STK35: variants seen among roughly 807,000 people sequenced by gnomAD.
STK35 encodes serine/threonine-protein kinase 35.
In STK35, 17 loss-of-function variants were observed where a neutral mutation model predicts 37.3. The ratio of observed to expected loss-of-function variants is 0.46; its 90% CI spans 0.31 to 0.68. The LOEUF is 0.68. STK35 is among the 30% of genes least tolerant of loss of function. The pLI, the probability that STK35 is intolerant of heterozygous loss-of-function variation, is 0.05. For synonymous variants in STK35, 385 were observed against 319.1 expected (o/e 1.21, Z -2.20); for missense variants, 595 against 746.7 (o/e 0.80, Z 2.37).
rs1043255967 is a variant in STK35, at chr20:2,117,442, G to T, written c.*37+27G>T. The T allele has an allele frequency of 2.1e-5, 29 of 1,387,976 alleles. No individual in the cohort carries two copies. In the African/African-American group the frequency reaches 3.3e-4, roughly 16 times the overall value. The allele number at this position is 1,387,976 out of a possible 1,614,324, so 86.0% of individuals were successfully genotyped here. ...TGAGTGCTCTCTGTTGTTGTTTTTTGTTTTTTGTTTTGAGACAGGGTCTCA... is the reference window on the plus strand; with the variant it reads ...TGAGTGCTCTCTGTTGTTGTTTTTTTTTTTTTGTTTTGAGACAGGGTCTCA... On this transcript the variant is annotated intron_variant, in intron 3 of 3. Transcript: ENST00000381482. The surrounding 1 kb of genome is among the most constrained non-coding windows in gnomAD (Gnocchi z 4.4).
intron 3 of STK35, among the ~76,000 whole-genome samples, chr20:2,133,257 T>TCCCC (rs1986029777): frequency 6.6e-6 from 1 of 152,168 alleles, no homozygotes; most frequent in South Asian, 2.1e-4. Context: ...CTTTAGCTAG[T>TCCCC]AATGGCACCT....
intron 3 of STK35, among the ~76,000 whole-genome samples, chr20:2,134,930 A>C (rs1986060960): frequency 1.3e-5 from 2 of 152,166 alleles, no homozygotes. Context: ...ATATGCATTA[A>C]ACTTCCCAGC....
intron 2 of STK35, 106 bp from the exon 3 acceptor site, chr20:2,116,560 G>A (rs949535568): frequency 2.4e-6 from 3 of 1,274,426 alleles, no homozygotes; most frequent in Admixed American, 4.3e-5. Context: ...CCTTGGAGCA[G>A]TTGTTTGTCA....
At chr20:2,139,600 G>GCAC in intron 3 of STK35, among the ~76,000 whole-genome samples, 1 of 152,252 alleles carries the variant, frequency 6.6e-6, no homozygotes, top group South Asian at 2.1e-4. Flanking sequence ...TTCTCTCTGA[G>GCAC]CTTCAGTTTT....
chr20:2,102,389 G>T (rs1985411053), intron 1 of STK35, among the ~76,000 whole-genome samples: 1 of 152,204 alleles, frequency 6.6e-6, no homozygotes, highest in South Asian at 2.1e-4. Flanking sequence ...ACACCCGGGC[G>T]AACACAAGGC....
chr20:2,104,999 G>GA (rs908242571), intron 2 of STK35, among the ~76,000 whole-genome samples: 16 of 150,280 alleles, frequency 1.1e-4, no homozygotes, highest in East Asian at 9.8e-4. Context: ...ACAAAAAATA[G>GA]AAAAAAAAAT....
intron 3 of STK35, among the ~76,000 whole-genome samples, chr20:2,140,117 A>G (rs2122588834): frequency 6.6e-6 from 1 of 152,330 alleles, no homozygotes; most frequent in South Asian, 2.1e-4. Context: ...AACTGGCCAA[A>G]TCCCTCCTCA....
chr20:2,130,549 C>CG (rs1568580142), intron 3 of STK35, among the ~76,000 whole-genome samples: 1 of 152,112 alleles, frequency 6.6e-6, no homozygotes, highest in African/African-American at 2.4e-5. Flanking sequence ...GATCCTGTCA[C>CG]GGGGCAGCTC....
chr20:2,123,032 G>A (rs1357174985), intron 3 of STK35, among the ~76,000 whole-genome samples: 1 of 152,188 alleles, frequency 6.6e-6, no homozygotes, highest in Non-Finnish European at 1.5e-5. Flanking sequence ...CATGCAGGAA[G>A]CCAGCCAAAC....
intron 2 of STK35, among the ~76,000 whole-genome samples, chr20:2,113,257 A>T (rs140095718): frequency 6.6e-6 from 1 of 152,204 alleles, no homozygotes; most frequent in Non-Finnish European, 1.5e-5. Context: ...ACCTCAAAAC[A>T]TCTGCAGAAT....
intron 3 of STK35, among the ~76,000 whole-genome samples, chr20:2,143,230 G>A (rs1986200042): frequency 6.6e-6 from 1 of 152,218 alleles, no homozygotes; most frequent in Non-Finnish European, 1.5e-5. Context: ...GCCCCTGGGT[G>A]TGGGATTCTG....
intron 3 of STK35, among the ~76,000 whole-genome samples, chr20:2,132,548 G>A (rs372233706): frequency 6.6e-6 from 1 of 152,238 alleles, no homozygotes; most frequent in African/African-American, 2.4e-5. Context: ...GAGCAAGGCT[G>A]TATTTTAGGC....
At position 2,137,376 on chromosome 20, in the gene STK35, C is replaced by T. The variant is rs181341816; in HGVS notation, c.*38-6408C>T. ...GAGAACACCACCTCCAAGCCACGCTCCTCTGCATTTGGGGCCTGCCCCTGG... is the reference window on the plus strand; with the variant it reads ...GAGAACACCACCTCCAAGCCACGCTTCTCTGCATTTGGGGCCTGCCCCTGG... On this transcript the variant is annotated intron_variant, in intron 3 of 3. Transcript: ENST00000381482. Among the ~76,000 whole-genome samples, 14 of 152,330 alleles carry T rather than the reference C, an allele frequency of 9.2e-5. No homozygotes were observed. In the East Asian group the frequency reaches 2.1e-3, roughly 23 times the overall value.
Position 2,111,353 on chromosome 20 carries a change from A to G in STK35, c.893-5313A>G, listed in dbSNP as rs77824844. Among the ~76,000 whole-genome samples, 85 of 152,336 alleles carry G rather than the reference A, an allele frequency of 5.6e-4. 1 individual carries two copies. The East Asian group carries it at 0.014, about 26-fold the overall frequency. ...AGCCTATATGGCTTACTTAAATGGT[A>G]TGCCTTAAAATTGGTGACTTGTAGA... On this transcript the variant is annotated intron_variant, in intron 2 of 3. Coordinates refer to ENST00000381482, the MANE Select transcript of STK35 (RefSeq NM_080836.4).
At chr20:2,133,561 A>G (rs1986034581) in intron 3 of STK35, among the ~76,000 whole-genome samples, 1 of 152,196 alleles carries the variant, frequency 6.6e-6, no homozygotes, top group Non-Finnish European at 1.5e-5. Flanking sequence ...CTACCATCCC[A>G]GTGCCCTATT....
chr20:2,102,530 C>T (rs1985414426), intron 1 of STK35, among the ~76,000 whole-genome samples: 1 of 152,240 alleles, frequency 6.6e-6, no homozygotes, highest in Non-Finnish European at 1.5e-5. Context: ...CGCTACATGA[C>T]AAGCTAACAG....
chr20:2,103,505 C>A, intron 2 of STK35, 140 bp downstream of exon 2: 1 of 782,690 alleles, frequency 1.3e-6, no homozygotes, highest in East Asian at 2.9e-5. Flanking sequence ...CCCTCCTTTC[C>A]TGGGCCCAGG....
chr20:2,102,996 C>T lies in STK35; in HGVS notation c.523C>T (p.Pro175Ser), dbSNP rs1257860861. Reference protein sequence around the residue: ...RPAAAARAMDPVAAEAPGEAF... With the variant: ...RPAAAARAMDSVAAEAPGEAF... Reference sequence around the variant, plus strand: ...GGCGGCGGCGGCCCGGGCCATGGATCCGGTGGCGGCCGAGGCCCCGGGCGA... The same window carrying T: ...GGCGGCGGCGGCCCGGGCCATGGATTCGGTGGCGGCCGAGGCCCCGGGCGA... Residue 175 changes from proline to serine, a missense_variant, in exon 2 of 4, where the codon CCG becomes TCG. Coordinates refer to ENST00000381482, the MANE Select transcript of STK35 (RefSeq NM_080836.4). 2.1e-6 allele frequency: 3 copies of T among 1,415,964 alleles called. No homozygotes were observed. The highest frequency in any genetic ancestry group is 2.7e-6 in the Non-Finnish European group (3 of 1,095,174). The allele number at this position is 1,415,964 out of a possible 1,614,324, so 87.7% of individuals were successfully genotyped here.
At chr20:2,140,018 A>G (rs1454315684) in intron 3 of STK35, among the ~76,000 whole-genome samples, 1 of 152,174 alleles carries the variant, frequency 6.6e-6, no homozygotes, top group Non-Finnish European at 1.5e-5. Context: ...GTAAAGCTGG[A>G]AAACTTTGGA....
Sources: gnomAD v4.1 joint callset for allele counts (sites outside exome capture counted in the v4.1 genomes callset) on GRCh38, gnomAD v4.1.1 for gene constraint, Gnocchi (gnomAD v3.1) non-coding constraint, MANE v1.5 for transcripts, NCBI Gene and HGNC (gene_info 2026-07-23, HGNC 2026-07-21) for gene names.